CADPS: variants seen among roughly 807,000 people sequenced by gnomAD.
CADPS encodes the protein calcium dependent secretion activator.
Under a neutral mutation model 167.3 loss-of-function variants are expected in CADPS, and 57 were observed. That is an observed-to-expected ratio of 0.34 (90% CI 0.28 to 0.42). CADPS has a LOEUF of 0.42. Ranked by LOEUF, CADPS falls within the 20% of genes least tolerant of loss-of-function variation. The pLI is 1.00. For missense variants in CADPS, 1,414 were observed against 1,738.1 expected, an observed-to-expected ratio of 0.81 and a Z score of 3.32; for synonymous variants, 676 against 635.3, an observed-to-expected ratio of 1.06 and a Z score of -0.96.
chr3:62,535,820 T>A (rs62243497), intron 12 of CADPS, among the ~76,000 whole-genome samples: 5,843 of 152,106 alleles, frequency 0.038, 128 homozygotes, highest in Non-Finnish European at 0.049. Context: ...AAATCTAGCT[T>A]TAAAATAGGA....
intron 3 of CADPS, among the ~76,000 whole-genome samples, chr3:62,723,066 G>C (rs2152008482): frequency 6.6e-6 from 1 of 152,322 alleles, no homozygotes; most frequent in Admixed American, 6.5e-5. Context: ...TTTGAGGATG[G>C]TAAAGGGTGC....
rs1336541219 is a variant in CADPS at position 62,599,789 on chromosome 3, A to G, written c.1326-7041T>C. Among the ~76,000 whole-genome samples, 71 of 17,774 alleles carry G rather than the reference A, an allele frequency of 4.0e-3. 2 individuals are homozygous for G. Among genetic ancestry groups the G allele is most frequent in the African/African-American group, 7.6e-3 (34 of 4,478 alleles). 11.7% of individuals were successfully genotyped at this position (17,774 alleles called of 152,430 possible). On this transcript the variant is annotated intron_variant, in intron 6 of 29. Transcript: ENST00000383710. ...ATATATAATATATATATTATATATA[A>G]TATATATAATATATAATAAATAATA...
chr3:62,703,093 T>C (rs903260727), intron 3 of CADPS, among the ~76,000 whole-genome samples: 4 of 152,160 alleles, frequency 2.6e-5, no homozygotes, highest in African/African-American at 9.7e-5. Flanking sequence ...TTTACAGATA[T>C]AAGCACCATT....
chr3:62,766,443 T>C (rs1361391447), intron 1 of CADPS, among the ~76,000 whole-genome samples: 1 of 152,118 alleles, frequency 6.6e-6, no homozygotes, highest in Non-Finnish European at 1.5e-5. Flanking sequence ...CAAAACAGTT[T>C]TTTTTTCCCC....
At chr3:62,491,558 A>AACATAC (rs2063725002) in intron 20 of CADPS, 78 bp from the exon 21 acceptor site, 2 of 525,508 alleles carry the variant, frequency 3.8e-6, no homozygotes, top group Non-Finnish European at 6.4e-6. Flanking sequence ...CACACACACA[A>AACATAC]ACACACACAC....
chr3:62,658,995 G>A (rs1668057047), intron 4 of CADPS, among the ~76,000 whole-genome samples: 1 of 152,144 alleles, frequency 6.6e-6, no homozygotes, highest in Admixed American at 6.5e-5. Context: ...TTTCTCTGCA[G>A]GTTCTGTGAA....
rs568991910 is a variant in CADPS, at chr3:62,623,260, A to AAG, written c.1325+22460_1325+22461dup. On this transcript the variant is annotated intron_variant, in intron 6 of 29. Coordinates refer to ENST00000383710, the MANE Select transcript of CADPS (RefSeq NM_003716.4). ...GATCCAGAAGAGAGAGCTGACCAAG[A>AAG]AGAGAGAGAGACACAAGGTCAACAC... Among the ~76,000 whole-genome samples, 721 of 152,204 alleles carry AAG rather than the reference A, an allele frequency of 4.7e-3. 6 individuals are homozygous for AAG. The highest frequency in any genetic ancestry group is 0.017 in the African/African-American group (696 of 41,550).
At position 62,601,359 on chromosome 3, in the gene CADPS, A is replaced by G. The variant is rs567387540; in HGVS notation, c.1326-8611T>C. Reference sequence around the variant, plus strand: ...AGTTATGACAGAGAATATAGGGCCAACAAACCGAAAATTTTTACTTTCTGG... The same window carrying G: ...AGTTATGACAGAGAATATAGGGCCAGCAAACCGAAAATTTTTACTTTCTGG... On this transcript the variant is annotated intron_variant, in intron 6 of 29. Transcript: ENST00000383710. The surrounding 1 kb of genome is among the most constrained non-coding windows in gnomAD (Gnocchi z 4.3). Among the ~76,000 whole-genome samples the G allele has an allele frequency of 1.4e-4, 22 of 152,346 alleles. 1 individual carries two copies. Among genetic ancestry groups the G allele is most frequent in the African/African-American group, 4.8e-4 (20 of 41,572 alleles).
chr3:62,653,230 T>C (rs911580294), intron 4 of CADPS, among the ~76,000 whole-genome samples: 3 of 152,166 alleles, frequency 2.0e-5, no homozygotes, highest in Non-Finnish European at 4.4e-5. Context: ...TATTTGAAGA[T>C]GGGCCTTGGG....
chr3:62,854,540 G>C (rs553974511), intron 1 of CADPS, among the ~76,000 whole-genome samples: 1 of 152,196 alleles, frequency 6.6e-6, no homozygotes, highest in East Asian at 1.9e-4. Flanking sequence ...AATGAGGAAA[G>C]TACTAATGCC....
At chr3:62,596,714 T>C (rs2058994229) in intron 6 of CADPS, among the ~76,000 whole-genome samples, 1 of 152,192 alleles carries the variant, frequency 6.6e-6, no homozygotes, top group Non-Finnish European at 1.5e-5. Flanking sequence ...TGCTGTACTT[T>C]TGTATCCTTT....
chr3:62,650,912 C>T lies in CADPS; in HGVS notation c.1138G>A (p.Asp380Asn), dbSNP rs756290612. The T allele has an allele frequency of 5.0e-6, 8 of 1,613,920 alleles. No homozygotes were observed. The highest frequency in any genetic ancestry group is 3.3e-5 in the South Asian group (3 of 91,070). The change falls in exon 5 of 30, where the codon GAC becomes AAC. Residue 380 changes from aspartate (D) to asparagine (N), a missense_variant. Asp to Asn is a conservative substitution (Grantham distance 23). This residue lies in a region of CADPS where 522 missense variants were observed against 559.5 expected (regional missense o/e 0.93). Transcript: ENST00000383710. ...TGGTTCTCACTCTCCTCGCCCATGTCGATGATGGAAGCATTGTGGCTGCGT... is the reference window on the plus strand; with the variant it reads ...TGGTTCTCACTCTCCTCGCCCATGTTGATGATGGAAGCATTGTGGCTGCGT... ...LKRSHNASIIDMGEESENQLS... is the reference protein window; with the variant it reads ...LKRSHNASIINMGEESENQLS...
At chr3:62,832,764 G>A (rs1220185952) in intron 1 of CADPS, among the ~76,000 whole-genome samples, 3 of 152,236 alleles carry the variant, frequency 2.0e-5, no homozygotes, top group African/African-American at 7.2e-5. Flanking sequence ...TGCTGCCGCT[G>A]AGGCGTTGCC....
At chr3:62,845,801 T>G (rs1309396876) in intron 1 of CADPS, among the ~76,000 whole-genome samples, 2 of 152,220 alleles carry the variant, frequency 1.3e-5, no homozygotes, top group Non-Finnish European at 2.9e-5. Flanking sequence ...TTTATTGATT[T>G]CTTCCCCATT....
At chr3:62,483,461 GAT>G in intron 21 of CADPS, among the ~76,000 whole-genome samples, 1 of 152,088 alleles carries the variant, frequency 6.6e-6, no homozygotes, top group Non-Finnish European at 1.5e-5. Flanking sequence ...TCTAGAAACA[GAT>G]TATTCTTTCA....
At chr3:62,612,054 C>G (rs937763579) in intron 6 of CADPS, among the ~76,000 whole-genome samples, 1 of 152,188 alleles carries the variant, frequency 6.6e-6, no homozygotes, top group Non-Finnish European at 1.5e-5. Flanking sequence ...AGACACTTAA[C>G]AAATATTTTT....
intron 1 of CADPS, among the ~76,000 whole-genome samples, chr3:62,785,062 T>C (rs556300008): frequency 6.6e-6 from 1 of 152,310 alleles, no homozygotes; most frequent in Non-Finnish European, 1.5e-5. Context: ...GAACATGCTT[T>C]AAAATAATTC....
chr3:62,788,577 T>C (rs1269404445), intron 1 of CADPS, among the ~76,000 whole-genome samples: 1 of 152,140 alleles, frequency 6.6e-6, no homozygotes, highest in Non-Finnish European at 1.5e-5. Context: ...ATTTGTAAAA[T>C]TTGCAAAGCT....
chr3:62,540,124 G>A (rs2075441017), intron 11 of CADPS, among the ~76,000 whole-genome samples: 2 of 152,130 alleles, frequency 1.3e-5, no homozygotes, highest in South Asian at 4.1e-4. Flanking sequence ...GTTTCAAGTA[G>A]TTAGTGAGCC....
Sources: allele counts gnomAD v4.1 joint callset (sites outside exome capture counted in the v4.1 genomes callset), GRCh38; gene constraint gnomAD v4.1.1; regional missense constraint gnomAD v4.1.1; non-coding constraint Gnocchi (gnomAD v3.1); transcripts MANE v1.5; gene names NCBI Gene and HGNC (gene_info 2026-07-23, HGNC 2026-07-21).